Variants in HNRNPD observed in about 807,000 individuals in gnomAD.
HNRNPD encodes heterogeneous nuclear ribonucleoprotein D0.
HNRNPD carries 3 observed loss-of-function variants against 47.9 expected under a neutral mutation model. The ratio of observed to expected loss-of-function variants is 0.06; its 90% CI spans 0.03 to 0.16. The LOEUF (loss-of-function observed/expected upper bound fraction) is 0.16, where lower values mean the gene tolerates loss of function less well. HNRNPD is among the 10% of genes least tolerant of loss of function. The pLI, the probability that HNRNPD is intolerant of heterozygous loss-of-function variation, is 1.00. For missense variants in HNRNPD, 287 were observed against 454.2 expected, an observed-to-expected ratio of 0.63 and a Z score of 3.35; for synonymous variants, 171 against 165.1, an observed-to-expected ratio of 1.04 and a Z score of -0.28.
chr4:82,373,574 C>T lies in HNRNPD; in HGVS notation c.105G>A (p.Gln35=), dbSNP rs773484372. The T allele has an allele frequency of 1.3e-6, 2 of 1,539,190 alleles. No homozygotes were observed. The highest frequency in any genetic ancestry group is 1.2e-5 in the South Asian group (1 of 83,558). The change falls in exon 1 of 9, where the codon CAG becomes CAA. Residue 35 remains glutamine, a synonymous_variant. Transcript: ENST00000313899. The part of the protein sequence containing the change: ...EQEGAMVAAT[Q]GAAAAAGSGA... ...CGCTTCCCGCCGCCGCCGCTGCCCCCTGTGTCGCCGCCACCATGGCTCCCT... is the reference window on the plus strand; with the variant it reads ...CGCTTCCCGCCGCCGCCGCTGCCCCTTGTGTCGCCGCCACCATGGCTCCCT...
chr4:82,355,735 T>C (rs552983800), intron 7 of HNRNPD: 15 of 307,066 alleles, frequency 4.9e-5, no homozygotes, highest in Middle Eastern at 1.0e-3. Flanking sequence ...TTAGAACAAA[T>C]TGTCAACCAC....
chr4:82,369,422 T>C (rs1719921256), intron 2 of HNRNPD, among the ~76,000 whole-genome samples: 2 of 152,326 alleles, frequency 1.3e-5, no homozygotes, highest in Middle Eastern at 6.8e-3. Flanking sequence ...TTCCTAAAAA[T>C]AGCTGTCCAT....
rs1723614881 is a variant in HNRNPD at position 82,353,959 on chromosome 4, G to A, written c.*226C>T. 6.6e-6 allele frequency: 1 copy of A among 152,658 alleles called. No homozygotes were observed. The highest frequency in any genetic ancestry group is 2.4e-5 in the African/African-American group (1 of 41,466). The allele number at this position is 152,658 out of a possible 1,614,324, so 9.5% of individuals were successfully genotyped here. A position where few individuals can be genotyped will look rare whatever the true frequency, so the allele number is the denominator to read the frequency against. On this transcript the variant is annotated 3_prime_UTR_variant, in exon 9 of 9. Coordinates refer to ENST00000313899, the MANE Select transcript of HNRNPD (RefSeq NM_031370.3). ...AGGGCATAAAACACAAATTGATTCTGAAGCATAGCAATTAAGAAATAAAAC... is the reference window on the plus strand; with the variant it reads ...AGGGCATAAAACACAAATTGATTCTAAAGCATAGCAATTAAGAAATAAAAC...
At chr4:82,356,922 A>T in intron 5 of HNRNPD, 27 bp from the exon 6 acceptor site, 7 of 1,564,098 alleles carry the variant, frequency 4.5e-6, no homozygotes, top group Non-Finnish European at 2.6e-6. Flanking sequence ...ACATTATTAA[A>T]CTGACTCAAG....
chr4:82,363,032 A>ATGTGTG lies in HNRNPD; in HGVS notation c.291-3399_291-3394dup, dbSNP rs71666730. Among the ~76,000 whole-genome samples, 1,484 of 149,018 alleles carry ATGTGTG rather than the reference A, an allele frequency of 1.0e-2. 12 individuals are homozygous for ATGTGTG. The highest frequency in any genetic ancestry group is 0.015 in the African/African-American group (613 of 40,078). On this transcript the variant is annotated intron_variant, in intron 2 of 8. Coordinates refer to ENST00000313899, the MANE Select transcript of HNRNPD (RefSeq NM_031370.3). ...GATGGCATAATGATTTTATATATATATGTGTGTGTGTGTGTGTATATATAT... is the reference window on the plus strand; with the variant it reads ...GATGGCATAATGATTTTATATATATATGTGTGTGTGTGTGTGTGTGTGTATATATAT...
chr4:82,371,497 A>AT, intron 2 of HNRNPD, 31 bp downstream of exon 2: 1 of 1,566,826 alleles, frequency 6.4e-7, no homozygotes, highest in African/African-American at 1.4e-5. Flanking sequence ...TGAAACCTTT[A>AT]TAATACAGAA....
At chr4:82,367,197 T>C (rs1451535742) in intron 2 of HNRNPD, among the ~76,000 whole-genome samples, 1 of 152,174 alleles carries the variant, frequency 6.6e-6, no homozygotes, top group Non-Finnish European at 1.5e-5. Context: ...ATACCTCCTT[T>C]TCACTTCACT....
intron 8 of HNRNPD, 95 bp downstream of exon 8, chr4:82,355,209 T>A: frequency 4.1e-6 from 3 of 724,390 alleles, no homozygotes; most frequent in Non-Finnish European, 7.2e-6. Context: ...TTCTGGGTGC[T>A]GTGAAACTCT....
chr4:82,364,875 T>G (rs1011065515), intron 2 of HNRNPD, among the ~76,000 whole-genome samples: 2 of 152,212 alleles, frequency 1.3e-5, no homozygotes, highest in Non-Finnish European at 2.9e-5. Flanking sequence ...AATAAACTTA[T>G]TCTCTGGACT....
Position 82,353,037 on chromosome 4 carries a change from T to G in HNRNPD, c.*1148A>C, listed in dbSNP as rs1327213422. 1 of 152,236 alleles carries G rather than the reference T, an allele frequency of 6.6e-6. No homozygotes were observed. The highest frequency in any genetic ancestry group is 6.5e-5 in the Admixed American group (1 of 15,270). 9.4% of individuals were successfully genotyped at this position (152,236 alleles called of 1,614,324 possible). On this transcript the variant is annotated 3_prime_UTR_variant, in exon 9 of 9. Transcript: ENST00000313899. Reference sequence around the variant, plus strand: ...TCAGGGTGGAACTCTTAACATTCACTTAAGTAATACCTACAAACGATTTTC... The same window carrying G: ...TCAGGGTGGAACTCTTAACATTCACGTAAGTAATACCTACAAACGATTTTC...
chr4:82,353,271 AT>A lies in HNRNPD; in HGVS notation c.*913del, dbSNP rs1195278236. ...AAATTTTAAGGCCCTAACCAAAAAA[AT>A]AAAACCTTTGAGAAATGGAAAATAA... is the stretch of plus-strand genomic sequence containing the variant. On this transcript the variant is annotated 3_prime_UTR_variant, in exon 9 of 9. Transcript: ENST00000313899. The A allele has an allele frequency of 3.3e-5, 5 of 152,206 alleles. No homozygotes were observed. Among genetic ancestry groups the A allele is most frequent in the Non-Finnish European group, 5.9e-5 (4 of 68,030 alleles). 9.4% of individuals were successfully genotyped at this position (152,206 alleles called of 1,614,324 possible).
In HNRNPD at chr4:82,359,747, A is replaced by T. The variant is rs562848500; in HGVS notation, c.291-108T>A. The stretch of plus-strand genomic sequence containing the variant: ...ACTGCACCAGTTTACTGGGCAGTAT[A>T]TTAAAACATCATTCTTCCTACATAA... On this transcript the variant is annotated intron_variant, in intron 2 of 8. Coordinates refer to ENST00000313899, the MANE Select transcript of HNRNPD (RefSeq NM_031370.3). 7 of 599,908 alleles carry T rather than the reference A, an allele frequency of 1.2e-5. No individual in the cohort carries two copies. In the South Asian group the frequency reaches 2.2e-4, roughly 19 times the overall value. 37.2% of individuals were successfully genotyped at this position (599,908 alleles called of 1,614,324 possible). A position where few individuals can be genotyped will look rare whatever the true frequency, so the allele number is the denominator to read the frequency against.
chr4:82,373,345 G>A (rs1720192355), intron 1 of HNRNPD, 101 bp downstream of exon 1: 3 of 1,457,350 alleles, frequency 2.1e-6, no homozygotes, highest in Non-Finnish European at 2.7e-6. Context: ...ATGGGGGCCC[G>A]GAGAACGGGC....
chr4:82,373,539 G>A lies in HNRNPD; in HGVS notation c.140C>T (p.Thr47Ile), dbSNP rs1720235722. The A allele has an allele frequency of 1.9e-6, 3 of 1,539,692 alleles. No individual in the cohort carries two copies. The highest frequency in any genetic ancestry group is 1.4e-5 in the African/African-American group (1 of 71,026). ...GCCTCCAGACGCGGTTCCGCCCCCGGTCCCGGCTCCGCTTCCCGCCGCCGC... is the reference window on the plus strand; with the variant it reads ...GCCTCCAGACGCGGTTCCGCCCCCGATCCCGGCTCCGCTTCCCGCCGCCGC... ...AAAAAGSGAG[T>I]GGGTASGGTE... Residue 47 changes from threonine to isoleucine, a missense_variant, in exon 1 of 9, where the codon ACC becomes ATC. Transcript: ENST00000313899.
At chr4:82,357,220 T>G (rs1723750023) in intron 5 of HNRNPD, 93 bp downstream of exon 5, 1 of 1,376,986 alleles carries the variant, frequency 7.3e-7, no homozygotes, top group South Asian at 1.5e-5. Flanking sequence ...TTTTAAAGCA[T>G]GCAAAGAACT....
At chr4:82,356,745 A>C (rs754547345) in intron 6 of HNRNPD, 51 bp downstream of exon 6, 1 of 1,613,050 alleles carries the variant, frequency 6.2e-7, no homozygotes, top group Admixed American at 1.7e-5. Context: ...ACTTCAGGAT[A>C]ATTAAAAAGC....
chr4:82,365,163 G>A (rs1719688991), intron 2 of HNRNPD, among the ~76,000 whole-genome samples: 2 of 152,120 alleles, frequency 1.3e-5, no homozygotes, highest in African/African-American at 4.8e-5. Context: ...TTACAGGCAT[G>A]AGCCACCACA....
chr4:82,365,674 G>T (rs537404328), intron 2 of HNRNPD, among the ~76,000 whole-genome samples: 85 of 152,002 alleles, frequency 5.6e-4, no homozygotes, highest in Admixed American at 1.0e-3. Context: ...GTGTGATCCT[G>T]GCTCACTTCA....
intron 2 of HNRNPD, among the ~76,000 whole-genome samples, chr4:82,364,738 T>C (rs1433686995): frequency 6.6e-6 from 1 of 152,212 alleles, no homozygotes. Context: ...CTTGATGACT[T>C]GGTCTACCCT....
Sources: gnomAD v4.1 joint callset for allele counts (sites outside exome capture counted in the v4.1 genomes callset) on GRCh38, gnomAD v4.1.1 for gene constraint, MANE v1.5 for transcripts, NCBI Gene and HGNC (gene_info 2026-07-23, HGNC 2026-07-21) for gene names.